FBXO15: variants seen among roughly 807,000 people sequenced by gnomAD.
FBXO15 encodes the protein F-box protein 15, also known as F-box only protein 15.
A neutral mutation model predicts 49.5 loss-of-function variants in FBXO15; 30 were observed. The ratio of observed to expected loss-of-function variants is 0.61; its 90% CI spans 0.45 to 0.82. FBXO15 has a LOEUF of 0.82. Among genes scored for constraint, FBXO15 ranks in the 40% least tolerant of loss-of-function variants. The pLI, the probability that FBXO15 is intolerant of heterozygous loss-of-function variation, is 0.00. For missense variants in FBXO15, 591 were observed against 631.5 expected, an observed-to-expected ratio of 0.94 and a Z score of 0.69; for synonymous variants, 250 against 232.7, an observed-to-expected ratio of 1.07 and a Z score of -0.68.
At chr18:74,111,449 A>T (rs1216468214) in intron 8 of FBXO15, among the ~76,000 whole-genome samples, 1 of 152,082 alleles carries the variant, frequency 6.6e-6, no homozygotes, top group East Asian at 1.9e-4. Context: ...GTCAAAAAAG[A>T]AATCCCAAGA....
At chr18:74,086,918 A>G (rs1387582069) in intron 8 of FBXO15, among the ~76,000 whole-genome samples, 3 of 152,228 alleles carry the variant, frequency 2.0e-5, no homozygotes, top group African/African-American at 7.2e-5. Context: ...AAACACAAGC[A>G]TATCTCAGAC....
chr18:74,103,380 T>C (rs1913608509), intron 8 of FBXO15, among the ~76,000 whole-genome samples: 1 of 150,418 alleles, frequency 6.6e-6, no homozygotes, highest in African/African-American at 2.5e-5. Flanking sequence ...ATATAGAAAA[T>C]TACCTCAAAA....
intron 8 of FBXO15, among the ~76,000 whole-genome samples, chr18:74,118,855 T>A (rs911540157): frequency 3.9e-5 from 6 of 152,070 alleles, no homozygotes; most frequent in Admixed American, 1.3e-4. Flanking sequence ...CTGCCAGACG[T>A]TGAATTTGTG....
intron 9 of FBXO15, chr18:74,078,692 TA>T (rs1912362998): frequency 1.3e-5 from 2 of 152,482 alleles, no homozygotes; most frequent in African/African-American, 4.8e-5. Flanking sequence ...ATCCCTCTCC[TA>T]AATCAGTCCC....
At chr18:74,103,837 T>C (rs763124251) in intron 8 of FBXO15, among the ~76,000 whole-genome samples, 13 of 152,298 alleles carry the variant, frequency 8.5e-5, no homozygotes, top group Non-Finnish European at 1.6e-4. Context: ...GCTGAGGCAA[T>C]TCACCAACAC....
intron 8 of FBXO15, among the ~76,000 whole-genome samples, chr18:74,121,779 G>A (rs1280525769): frequency 1.3e-5 from 2 of 152,176 alleles, no homozygotes; most frequent in Non-Finnish European, 2.9e-5. Flanking sequence ...GTGGGGGCGA[G>A]GAGGAAAGAA....
chr18:74,101,604 G>GA (rs1307309386), intron 8 of FBXO15, among the ~76,000 whole-genome samples: 1 of 151,754 alleles, frequency 6.6e-6, no homozygotes, highest in Non-Finnish European at 1.5e-5. Context: ...CACAAAACTA[G>GA]AAAAAACAAT....
At chr18:74,132,920 G>A (rs1044074769) in intron 3 of FBXO15, among the ~76,000 whole-genome samples, 2 of 152,174 alleles carry the variant, frequency 1.3e-5, no homozygotes, top group East Asian at 1.9e-4. Context: ...GAGTAGCCCC[G>A]CTGCTGGGAT....
In FBXO15 at chr18:74,147,828, G is replaced by A. The variant is rs3813115; in HGVS notation, c.-43C>T. On this transcript the variant is annotated 5_prime_UTR_variant, in exon 1 of 10. Coordinates refer to ENST00000419743, the MANE Select transcript of FBXO15 (RefSeq NM_001142958.2). Reference sequence around the variant, plus strand: ...CACAGGACCGCGCCAGGGCTGAAACGAAGAGTGCACGCACCGCCCCCACGC... The same window carrying A: ...CACAGGACCGCGCCAGGGCTGAAACAAAGAGTGCACGCACCGCCCCCACGC... The A allele has an allele frequency of 0.079, 116,497 of 1,468,966 alleles. 5,515 individuals carry two copies. Among genetic ancestry groups the A allele is most frequent in the Admixed American group, 0.21 (8,603 of 41,142 alleles). The allele number at this position is 1,468,966 out of a possible 1,614,324, so 91.0% of individuals were successfully genotyped here. A position where few individuals can be genotyped will look rare whatever the true frequency, so the allele number is the denominator to read the frequency against.
At chr18:74,137,728 G>A (rs1276553444) in intron 2 of FBXO15, among the ~76,000 whole-genome samples, 2 of 152,188 alleles carry the variant, frequency 1.3e-5, no homozygotes, top group Middle Eastern at 3.2e-3. Flanking sequence ...AAGGAGACAG[G>A]ATGATAGGGA....
rs1381862546 is a variant in FBXO15, at chr18:74,074,716, T to C, written c.1264-986A>G. On this transcript the variant is annotated intron_variant, in intron 9 of 9. Coordinates refer to ENST00000419743, the MANE Select transcript of FBXO15 (RefSeq NM_001142958.2). The surrounding 1 kb of genome is among the most constrained non-coding windows in gnomAD (Gnocchi z 4.7). ...CAAAATAAAATGAAAAAGAACATAG[T>C]CGGCATGCATTACATACACTAAGCA... is the stretch of plus-strand genomic sequence containing the variant. Among the ~76,000 whole-genome samples the C allele has an allele frequency of 1.3e-5, 2 of 152,214 alleles. No individual in the cohort carries two copies. The highest frequency in any genetic ancestry group is 6.5e-5 in the Admixed American group (1 of 15,284).
At chr18:74,126,508 G>T (rs1163984368) in intron 5 of FBXO15, among the ~76,000 whole-genome samples, 1 of 152,222 alleles carries the variant, frequency 6.6e-6, no homozygotes, top group Non-Finnish European at 1.5e-5. Context: ...ACTATTTCAA[G>T]TGACATAAGA....
intron 3 of FBXO15, among the ~76,000 whole-genome samples, chr18:74,133,562 T>C (rs1978527210): frequency 6.6e-6 from 1 of 152,216 alleles, no homozygotes. Flanking sequence ...ACCACCTTCA[T>C]CTCTTATTAG....
chr18:74,095,766 C>T (rs1421814087), intron 8 of FBXO15, among the ~76,000 whole-genome samples: 2 of 152,148 alleles, frequency 1.3e-5, no homozygotes, highest in Non-Finnish European at 2.9e-5. Flanking sequence ...GCAGAGGTGC[C>T]ACAAACTTTG....
chr18:74,086,371 G>A (rs1189515584), intron 8 of FBXO15, among the ~76,000 whole-genome samples: 1 of 152,170 alleles, frequency 6.6e-6, no homozygotes, highest in African/African-American at 2.4e-5. Flanking sequence ...CCCATAACTT[G>A]TTTTTCATAC....
At position 74,090,527 on chromosome 18, in the gene FBXO15, C is replaced by T. The variant is rs536996861; in HGVS notation, c.1139-8476G>A. 4.6e-5 allele frequency among the ~76,000 whole-genome samples: 7 copies of T among 152,160 alleles called. No individual in the cohort carries two copies. In the East Asian group the frequency reaches 1.2e-3, roughly 25 times the overall value. ...TTAATCTGAGATCTTTCTAACTTTTCGATGTGGGTGTTTAGTGCTATAAAC... is the reference window on the plus strand; with the variant it reads ...TTAATCTGAGATCTTTCTAACTTTTTGATGTGGGTGTTTAGTGCTATAAAC... On this transcript the variant is annotated intron_variant, in intron 8 of 9. Transcript: ENST00000419743.
intron 8 of FBXO15, among the ~76,000 whole-genome samples, chr18:74,106,247 T>C (rs1246567771): frequency 1.3e-5 from 2 of 152,152 alleles, no homozygotes; most frequent in African/African-American, 4.8e-5. Flanking sequence ...TGCCTTTTAT[T>C]CAAGAGTAGA....
Position 74,129,608 on chromosome 18 carries a change from A to T in FBXO15, c.582T>A (p.Phe194Leu), listed in dbSNP as rs201209798. The change falls in exon 5 of 10, where the codon TTT becomes TTA. Residue 194 changes from phenylalanine (F) to leucine (L), a missense_variant. Physicochemically the swap from Phe to Leu is conservative, Grantham distance 22 (BLOSUM62 0). Coordinates refer to ENST00000419743, the MANE Select transcript of FBXO15 (RefSeq NM_001142958.2). Reference sequence around the variant, plus strand: ...TCAGTATAATTGCCCAACCTAAACCAAATATTCTGGAGAAAGAAAAAAAAA... The same window carrying T: ...TCAGTATAATTGCCCAACCTAAACCTAATATTCTGGAGAAAGAAAAAAAAA... The part of the protein sequence containing the change: ...PVKTKEALRI[F>L]GLGWAIILKE... 7.5e-6 allele frequency: 12 copies of T among 1,607,250 alleles called. No homozygotes were observed. The East Asian group carries it at 2.5e-4, about 33-fold the overall frequency.
At chr18:74,107,828 C>G (rs185291518) in intron 8 of FBXO15, among the ~76,000 whole-genome samples, 84 of 152,266 alleles carry the variant, frequency 5.5e-4, no homozygotes, top group African/African-American at 1.8e-3. Flanking sequence ...TTCTGTGCTA[C>G]TTAACAAGGC....
Sources: allele counts gnomAD v4.1 joint callset (sites outside exome capture counted in the v4.1 genomes callset), GRCh38; gene constraint gnomAD v4.1.1; non-coding constraint Gnocchi (gnomAD v3.1); transcripts MANE v1.5; gene names NCBI Gene and HGNC (gene_info 2026-07-23, HGNC 2026-07-21).